BOC: variants seen among roughly 807,000 people sequenced by gnomAD.
BOC encodes the protein brother of CDO.
BOC carries 76 observed loss-of-function variants against 112.0 expected under a neutral mutation model. The observed-to-expected ratio is 0.68, with a 90% CI of 0.56 to 0.82. The LOEUF is 0.82. Ranked by LOEUF, BOC falls within the 40% of genes least tolerant of loss-of-function variation. BOC has a pLI of 0.00. For missense variants in BOC, 1,309 were observed against 1,511.7 expected (o/e 0.87, Z 2.22); for synonymous variants, 580 against 599.8 (o/e 0.97, Z 0.48).
intron 19 of BOC, among the ~76,000 whole-genome samples, chr3:113,286,421 C>T (rs1949701091): frequency 6.6e-6 from 1 of 152,178 alleles, no homozygotes. Context: ...TTCATCTGCT[C>T]CTGTGGTGTG....
intron 15 of BOC, among the ~76,000 whole-genome samples, chr3:113,282,174 G>A (rs944504515): frequency 6.6e-6 from 1 of 152,180 alleles, no homozygotes; most frequent in African/African-American, 2.4e-5. Flanking sequence ...GAGATGAGCC[G>A]GTGCAGCCAG....
chr3:113,246,940 C>T (rs576205752), intron 2 of BOC, among the ~76,000 whole-genome samples: 6 of 152,040 alleles, frequency 3.9e-5, no homozygotes, highest in Non-Finnish European at 7.4e-5. Context: ...TATAAATTAC[C>T]GAGGGTGCAG....
rs760464530 is a variant in BOC, at chr3:113,279,972, G to A, written c.2172G>A (p.Ala724=). ...GTCCTTATATCACCTTCACGGATGC[G>A]GTCAATGAGACCACCATCATGCTCA... is the stretch of plus-strand genomic sequence containing the variant. The part of the protein sequence containing the change: ...VAGPYITFTD[A]VNETTIMLKW... Residue 724 remains alanine (A), a synonymous_variant, in exon 13 of 20, where the codon GCG becomes GCA. Transcript: ENST00000682979. The A allele has an allele frequency of 4.3e-6, 7 of 1,612,420 alleles. No homozygotes were observed. In the East Asian group the frequency reaches 6.7e-5, roughly 15 times the overall value.
Position 113,268,335 on chromosome 3 carries a change from T to C in BOC, c.413T>C (p.Ile138Thr). ...TTCAAGTTAGATGTGCAGCACGTGA[T>C]TGAAGTGGATGAGGGAAACACAGCA... ...QDFKLDVQHV[I>T]EVDEGNTAVI... is the part of the protein sequence containing the mutation. The change falls in exon 5 of 20, where the codon ATT becomes ACT. Residue 138 changes from isoleucine to threonine, a missense_variant. Physicochemically the swap from Ile to Thr is moderately conservative, Grantham distance 89. Coordinates refer to ENST00000682979, the MANE Select transcript of BOC (RefSeq NM_001378074.1). 6.2e-7 allele frequency: 1 copy of C among 1,614,114 alleles called. No individual in the cohort carries two copies. The highest frequency in any genetic ancestry group is 1.3e-5 in the African/African-American group (1 of 75,036).
chr3:113,215,195 TA>T (rs373988655), intron 1 of BOC, among the ~76,000 whole-genome samples: 232 of 152,304 alleles, frequency 1.5e-3, no homozygotes, highest in African/African-American at 5.3e-3. Context: ...TATTTGGGGT[TA>T]GGGGGTGGGA....
intron 2 of BOC, among the ~76,000 whole-genome samples, chr3:113,222,969 T>C (rs17253849): frequency 0.068 from 10,367 of 152,274 alleles, 377 homozygotes; most frequent in East Asian, 0.098. Flanking sequence ...GTCCCTGCCA[T>C]TGGAGAGCCA....
chr3:113,213,142 T>A (rs11923633), intron 1 of BOC, among the ~76,000 whole-genome samples: 11,607 of 152,198 alleles, frequency 0.076, 624 homozygotes, highest in African/African-American at 0.15. Flanking sequence ...AATCCCAAAC[T>A]GGCACTTTTT....
intron 2 of BOC, among the ~76,000 whole-genome samples, chr3:113,217,860 T>C (rs917311262): frequency 1.1e-4 from 16 of 152,188 alleles, no homozygotes; most frequent in Non-Finnish European, 2.1e-4. Context: ...AAACCAATTA[T>C]TGAGTGGCTT....
Position 113,274,293 on chromosome 3 carries a change from TTC to T in BOC, c.1235-80_1235-79del. The T allele has an allele frequency of 1.5e-6, 2 of 1,374,094 alleles. No individual in the cohort carries two copies. The highest frequency in any genetic ancestry group is 1.9e-6 in the Non-Finnish European group (2 of 1,035,098). The allele number at this position is 1,374,094 out of a possible 1,614,324, so 85.1% of individuals were successfully genotyped here. ...GGCCCAGGTTGCCTCTCTGTCTTCTTTCTGTTTTCTCCCCAGGAACAACAGCT... is the reference window on the plus strand; with the variant it reads ...GGCCCAGGTTGCCTCTCTGTCTTCTTTGTTTTCTCCCCAGGAACAACAGCT... On this transcript the variant is annotated intron_variant, in intron 8 of 19. Coordinates refer to ENST00000682979, the MANE Select transcript of BOC (RefSeq NM_001378074.1). The surrounding 1 kb of genome is among the most constrained non-coding windows in gnomAD (Gnocchi z 4.8).
intron 5 of BOC, 92 bp downstream of exon 5, chr3:113,268,537 T>G (rs1291279195): frequency 7.8e-7 from 1 of 1,283,242 alleles, no homozygotes; most frequent in East Asian, 2.5e-5. Context: ...CTAGGGCAGC[T>G]GCTGCTGTCT....
Position 113,268,422 on chromosome 3 carries a change from A to G in BOC, c.500A>G (p.Gln167Arg). 3 of 1,614,066 alleles carry G rather than the reference A, an allele frequency of 1.9e-6. No individual in the cohort carries two copies. The highest frequency in any genetic ancestry group is 2.5e-6 in the Non-Finnish European group (3 of 1,179,988). ...GCCCAGGTCCGGTACAGCGTCAAAC[A>G]AGAGTGGCTGGAGGCCTCCAGAGGT... is the stretch of plus-strand genomic sequence containing the variant. ...PKAQVRYSVK[Q>R]EWLEASRGNY... The change falls in exon 5 of 20, where the codon CAA becomes CGA. Residue 167 changes from glutamine to arginine, a missense_variant. Physicochemically the swap from Gln to Arg is conservative, Grantham distance 43. Coordinates refer to ENST00000682979, the MANE Select transcript of BOC (RefSeq NM_001378074.1).
intron 1 of BOC, among the ~76,000 whole-genome samples, chr3:113,214,118 C>G (rs1386371914): frequency 1.3e-5 from 2 of 152,202 alleles, no homozygotes; most frequent in East Asian, 3.8e-4. Context: ...ATGGTTGATT[C>G]TTTGACTACA....
intron 2 of BOC, among the ~76,000 whole-genome samples, chr3:113,220,184 A>C (rs913493229): frequency 1.3e-5 from 2 of 152,234 alleles, no homozygotes; most frequent in Non-Finnish European, 2.9e-5. Context: ...CTCATAGAGC[A>C]GCCACCAGAA....
rs368940117 is a variant in BOC, at chr3:113,219,787, T to C, written c.-82+3513T>C. On this transcript the variant is annotated intron_variant, in intron 2 of 19. Transcript: ENST00000682979. ...AAGCCAGGCTTTGTGGCTTGGCTGG[T>C]GTCAGACTTTGCGGCCAATGGCTTT... Among the ~76,000 whole-genome samples, 893 of 152,270 alleles carry C rather than the reference T, an allele frequency of 5.9e-3. 7 individuals are homozygous for C. The highest frequency in any genetic ancestry group is 0.02 in the African/African-American group (840 of 41,572).
chr3:113,274,569 A>G lies in BOC; in HGVS notation c.1429A>G (p.Ile477Val), dbSNP rs1369051134. 2 of 1,613,594 alleles carry G rather than the reference A, an allele frequency of 1.2e-6. No homozygotes were observed. The highest frequency in any genetic ancestry group is 1.1e-5 in the South Asian group (1 of 91,084). ...GGGGGCTCCCGCCGAGGCTCCCATC[A>G]TCCTCAGCTCGCCCCGCACCTCCAA... ...GQGAPAEAPI[I>V]LSSPRTSKTD... Residue 477 changes from isoleucine to valine, a missense_variant, in exon 9 of 20, where the codon ATC becomes GTC. Ile to Val is a conservative substitution (Grantham distance 29, BLOSUM62 3). Coordinates refer to ENST00000682979, the MANE Select transcript of BOC (RefSeq NM_001378074.1). This position sits in a 1 kb window ranked among gnomAD's most constrained non-coding sequence, Gnocchi z 4.8.
At chr3:113,231,043 G>A (rs1942530253) in intron 2 of BOC, among the ~76,000 whole-genome samples, 1 of 152,172 alleles carries the variant, frequency 6.6e-6, no homozygotes. Context: ...GGAATTGATT[G>A]CTGGAGATTA....
chr3:113,263,281 C>G (rs1354421239), intron 4 of BOC, among the ~76,000 whole-genome samples: 1 of 152,204 alleles, frequency 6.6e-6, no homozygotes, highest in Non-Finnish European at 1.5e-5. Flanking sequence ...ATCCAGACCT[C>G]TGTAGAGGAA....
chr3:113,280,455 A>G (rs1465967423), intron 13 of BOC, 103 bp from the exon 14 acceptor site: 2 of 801,800 alleles, frequency 2.5e-6, no homozygotes, highest in African/African-American at 3.5e-5. Context: ...CCCAAGTGAA[A>G]TTCAAACTCT....
chr3:113,274,779 T>C lies in BOC; in HGVS notation c.1542+97T>C. ...TCTTGGCCATCTCCCCTTGAGCTCC[T>C]GAAGCCTGAGCCGGTAATCCCCACC... On this transcript the variant is annotated intron_variant, in intron 9 of 19. Coordinates refer to ENST00000682979, the MANE Select transcript of BOC (RefSeq NM_001378074.1). The surrounding 1 kb of genome is among the most constrained non-coding windows in gnomAD (Gnocchi z 4.8). 7.7e-7 allele frequency: 1 copy of C among 1,296,898 alleles called. No individual in the cohort carries two copies. The highest frequency in any genetic ancestry group is 1.5e-5 in the African/African-American group (1 of 67,248). 80.3% of individuals were successfully genotyped at this position (1,296,898 alleles called of 1,614,324 possible). A position where few individuals can be genotyped will look rare whatever the true frequency, so the allele number is the denominator to read the frequency against.
Sources: allele counts gnomAD v4.1 joint callset (sites outside exome capture counted in the v4.1 genomes callset), GRCh38; gene constraint gnomAD v4.1.1; non-coding constraint Gnocchi (gnomAD v3.1); transcripts MANE v1.5; gene names NCBI Gene and HGNC (gene_info 2026-07-23, HGNC 2026-07-21).